Variants in NTM observed in about 807,000 individuals in gnomAD.
The protein encoded by NTM is neurotrimin, also known as IgLON family member 2.
Under a neutral mutation model 42.1 loss-of-function variants are expected in NTM, and 13 were observed. The observed-to-expected ratio is 0.31, with a 90% CI of 0.20 to 0.49. NTM has a LOEUF of 0.49. Among genes scored for constraint, NTM ranks in the 20% least tolerant of loss-of-function variants. The probability of loss-of-function intolerance (pLI) is 0.99; values close to 1 mark genes in which losing one functional copy is unlikely to be tolerated. For synonymous variants in NTM, 187 were observed against 179.2 expected, an observed-to-expected ratio of 1.04 and a Z score of -0.35; for missense variants, 373 against 452.8, an observed-to-expected ratio of 0.82 and a Z score of 1.60.
chr11:131,725,785 T>G (rs962981230), intron 1 of NTM, among the ~76,000 whole-genome samples: 4 of 152,182 alleles, frequency 2.6e-5, no homozygotes, highest in African/African-American at 4.8e-5. Context: ...GGACAGAATC[T>G]GACTCTCATT....
chr11:132,016,116 G>A (rs1359951287), intron 2 of NTM, among the ~76,000 whole-genome samples: 1 of 151,050 alleles, frequency 6.6e-6, no homozygotes, highest in Non-Finnish European at 1.5e-5. Flanking sequence ...TTTTTTTCAC[G>A]CAAGGGTGTT....
intron 3 of NTM, among the ~76,000 whole-genome samples, chr11:132,198,468 T>C (rs1192059728): frequency 6.6e-6 from 1 of 152,222 alleles, no homozygotes; most frequent in Non-Finnish European, 1.5e-5. Context: ...CCCAATGTGC[T>C]GAGATTACAG....
At chr11:132,015,629 T>G (rs1015981631) in intron 2 of NTM, among the ~76,000 whole-genome samples, 2 of 145,386 alleles carry the variant, frequency 1.4e-5, no homozygotes, top group Non-Finnish European at 3.0e-5. Flanking sequence ...AAATTTATTC[T>G]TAGATATTTT....
At chr11:131,932,395 G>A (rs562378175) in intron 2 of NTM, among the ~76,000 whole-genome samples, 1 of 152,234 alleles carries the variant, frequency 6.6e-6, no homozygotes, top group African/African-American at 2.4e-5. Context: ...GACATAAGAA[G>A]AAACATCAGG....
At chr11:131,866,087 C>T (rs1350019172) in intron 1 of NTM, among the ~76,000 whole-genome samples, 1 of 149,408 alleles carries the variant, frequency 6.7e-6, no homozygotes, top group Non-Finnish European at 1.5e-5. Context: ...CTCACACATG[C>T]TACATGCACA....
intron 3 of NTM, among the ~76,000 whole-genome samples, chr11:132,188,274 A>G (rs911273500): frequency 1.3e-5 from 2 of 152,302 alleles, no homozygotes; most frequent in Middle Eastern, 3.4e-3. Context: ...AGGAACCCGG[A>G]CTAACCCAAA....
At chr11:131,736,224 C>T (rs2080417518) in intron 1 of NTM, among the ~76,000 whole-genome samples, 2 of 152,148 alleles carry the variant, frequency 1.3e-5, no homozygotes, top group African/African-American at 2.4e-5. Context: ...GAACCTTCTA[C>T]AGCTAGTACT....
intron 1 of NTM, among the ~76,000 whole-genome samples, chr11:131,607,823 T>C (rs1180771412): frequency 1.3e-5 from 2 of 152,188 alleles, no homozygotes; most frequent in Non-Finnish European, 2.9e-5. Context: ...GATGATTCTA[T>C]TTTGTTTTCT....
intron 2 of NTM, among the ~76,000 whole-genome samples, chr11:131,952,609 G>T (rs2061137685): frequency 1.3e-5 from 2 of 152,108 alleles, no homozygotes. Context: ...ATCAACTGTG[G>T]ATACGCATAA....
chr11:132,068,461 C>T (rs2056852861), intron 2 of NTM, among the ~76,000 whole-genome samples: 1 of 152,094 alleles, frequency 6.6e-6, no homozygotes, highest in African/African-American at 2.4e-5. Context: ...TTTCCAACAA[C>T]ATGCTTCTAA....
chr11:131,834,651 A>G (rs1019632224), intron 1 of NTM, among the ~76,000 whole-genome samples: 1 of 83,514 alleles, frequency 1.2e-5, no homozygotes, highest in Non-Finnish European at 3.0e-5. Flanking sequence ...TATATGTATA[A>G]TCTTCACAGC....
chr11:131,553,167 G>A (rs1317063527), intron 1 of NTM, among the ~76,000 whole-genome samples: 1 of 152,116 alleles, frequency 6.6e-6, no homozygotes, highest in Non-Finnish European at 1.5e-5. Context: ...TGATGGGGAA[G>A]GGGCAGGAGA....
rs376563877 is a variant in NTM, at chr11:131,529,830, G to A, written c.82+158942G>A. On this transcript the variant is annotated intron_variant, in intron 1 of 8. Transcript: ENST00000683400. The stretch of plus-strand genomic sequence containing the variant: ...ATAATCACTACTGTTTTGCAATTTC[G>A]TGAATAATCTACCCTTGGAGGGAAT... Among the ~76,000 whole-genome samples the A allele has an allele frequency of 6.6e-4, 101 of 152,172 alleles. 1 individual carries two copies. Among genetic ancestry groups the A allele is most frequent in the African/African-American group, 2.2e-3 (93 of 41,500 alleles).
chr11:131,956,477 G>T (rs1445702477), intron 2 of NTM, among the ~76,000 whole-genome samples: 1 of 152,030 alleles, frequency 6.6e-6, no homozygotes, highest in African/African-American at 2.4e-5. Flanking sequence ...GCATTACTCT[G>T]GGTATCTGGC....
At chr11:132,201,867 GCT>G (rs2081209250) in intron 3 of NTM, among the ~76,000 whole-genome samples, 1 of 152,140 alleles carries the variant, frequency 6.6e-6, no homozygotes, top group South Asian at 2.1e-4. Flanking sequence ...CCACTTTCTA[GCT>G]CAGTGGCTTC....
chr11:131,851,532 C>T (rs866197510), intron 1 of NTM, among the ~76,000 whole-genome samples: 3 of 146,700 alleles, frequency 2.0e-5, no homozygotes, highest in Non-Finnish European at 4.5e-5. Context: ...GTGAGAATGG[C>T]GTGTGTGTGT....
chr11:131,440,327 AG>A (rs926791994), intron 1 of NTM, among the ~76,000 whole-genome samples: 6 of 152,176 alleles, frequency 3.9e-5, no homozygotes, highest in African/African-American at 1.4e-4. Flanking sequence ...TGTTGACTCA[AG>A]GGCTTCTCTT....
At chr11:132,197,269 A>T (rs1281192889) in intron 3 of NTM, among the ~76,000 whole-genome samples, 2 of 152,114 alleles carry the variant, frequency 1.3e-5, no homozygotes, top group African/African-American at 4.8e-5. Context: ...GAGGACAGGG[A>T]ATTGGGCATT....
intron 1 of NTM, chr11:131,660,271 C>T (rs2067821494): frequency 2.9e-6 from 1 of 350,676 alleles, no homozygotes; most frequent in South Asian, 2.2e-5. Flanking sequence ...CAGGGTGCTG[C>T]AATAATGAGG....
Sources: gnomAD v4.1 joint callset for allele counts (sites outside exome capture counted in the v4.1 genomes callset) on GRCh38, gnomAD v4.1.1 for gene constraint, MANE v1.5 for transcripts, NCBI Gene and HGNC (gene_info 2026-07-23, HGNC 2026-07-21) for gene names.